Variants in GSTCD observed in about 807,000 individuals in gnomAD.
GSTCD encodes glutathione S-transferase C-terminal domain-containing protein.
In GSTCD, 44 loss-of-function variants were observed where a neutral mutation model predicts 68.3. The observed-to-expected ratio is 0.64, with a 90% CI of 0.51 to 0.83. GSTCD has a LOEUF of 0.83. Among genes scored for constraint, GSTCD ranks in the 40% least tolerant of loss-of-function variants. The pLI is 0.00. For synonymous variants in GSTCD, 273 were observed against 255.2 expected (o/e 1.07, Z -0.67); for missense variants, 739 against 735.9 (o/e 1.00, Z -0.05).
At chr4:105,757,734 G>A (rs545794494) in intron 5 of GSTCD, among the ~76,000 whole-genome samples, 1 of 152,066 alleles carries the variant, frequency 6.6e-6, no homozygotes, top group Non-Finnish European at 1.5e-5. Flanking sequence ...AATTGTAAAT[G>A]CTGCATTGTA....
intron 8 of GSTCD, among the ~76,000 whole-genome samples, chr4:105,833,291 C>A (rs1225677881): frequency 6.6e-6 from 1 of 152,004 alleles, no homozygotes; most frequent in Admixed American, 6.6e-5. Flanking sequence ...ATGGTGAAAC[C>A]CCATCTCTAC....
rs533776292 is a variant in GSTCD, at chr4:105,780,809, A to G, written c.1241-42145A>G. 9.8e-5 allele frequency among the ~76,000 whole-genome samples: 15 copies of G among 152,328 alleles called. No individual in the cohort carries two copies. The East Asian group carries it at 2.9e-3, about 29-fold the overall frequency. ...AAAGTATAGTATATACTATATCCCTATAATTTATTTCAGAAATTTTCATTT... is the reference window on the plus strand; with the variant it reads ...AAAGTATAGTATATACTATATCCCTGTAATTTATTTCAGAAATTTTCATTT... On this transcript the variant is annotated intron_variant, in intron 5 of 11. Coordinates refer to ENST00000515279, the MANE Select transcript of GSTCD (RefSeq NM_001370181.1).
chr4:105,788,089 G>A (rs754340738), intron 5 of GSTCD, among the ~76,000 whole-genome samples: 12 of 151,946 alleles, frequency 7.9e-5, no homozygotes, highest in Non-Finnish European at 1.5e-4. Context: ...CTTTGTATTA[G>A]TGATGATAGT....
rs528839449 is a variant in GSTCD, at chr4:105,735,898, C to T, written c.1240+6399C>T. Among the ~76,000 whole-genome samples, 17 of 151,930 alleles carry T rather than the reference C, an allele frequency of 1.1e-4. No individual in the cohort carries two copies. In the South Asian group the frequency reaches 3.1e-3, roughly 28 times the overall value. ...TTTAGGACTCATATTTTAAAAATAT[C>T]GATATCTTAAATAATCACAATGCCA... On this transcript the variant is annotated intron_variant, in intron 5 of 11. Coordinates refer to ENST00000515279, the MANE Select transcript of GSTCD (RefSeq NM_001370181.1).
intron 4 of GSTCD, among the ~76,000 whole-genome samples, chr4:105,728,582 AT>A (rs199752379): frequency 0.01 from 1,555 of 152,222 alleles, 32 homozygotes; most frequent in African/African-American, 0.035. Flanking sequence ...TCATAAACTG[AT>A]ACAAAGCATT....
intron 5 of GSTCD, among the ~76,000 whole-genome samples, chr4:105,770,084 C>T (rs1734783631): frequency 6.6e-6 from 1 of 152,176 alleles, no homozygotes; most frequent in Non-Finnish European, 1.5e-5. Flanking sequence ...TGCTTATACA[C>T]ATCATCTATA....
At chr4:105,726,215 G>A (rs1157588914) in intron 3 of GSTCD, among the ~76,000 whole-genome samples, 1 of 152,066 alleles carries the variant, frequency 6.6e-6, no homozygotes, top group Non-Finnish European at 1.5e-5. Flanking sequence ...CAAACGATTG[G>A]TCAATGTAAC....
intron 5 of GSTCD, among the ~76,000 whole-genome samples, chr4:105,730,151 A>G (rs1459122343): frequency 6.6e-6 from 1 of 152,226 alleles, no homozygotes; most frequent in African/African-American, 2.4e-5. Context: ...ATTGATGGAC[A>G]TTTGGGTTGG....
chr4:105,781,995 T>C (rs1735292551), intron 5 of GSTCD, among the ~76,000 whole-genome samples: 1 of 152,118 alleles, frequency 6.6e-6, no homozygotes, highest in African/African-American at 2.4e-5. Flanking sequence ...GTGAGATGCT[T>C]TGAAAGATAT....
intron 8 of GSTCD, among the ~76,000 whole-genome samples, chr4:105,827,833 A>G (rs1028939880): frequency 6.6e-6 from 1 of 152,094 alleles, no homozygotes; most frequent in African/African-American, 2.4e-5. Context: ...AAAAATTAAT[A>G]GTATAAACAA....
rs115230823 is a variant in GSTCD, at chr4:105,718,285, G to T, written c.426+246G>T. On this transcript the variant is annotated intron_variant, in intron 2 of 11. Coordinates refer to ENST00000515279, the MANE Select transcript of GSTCD (RefSeq NM_001370181.1). ...TGGTAGGAGGTGTTTGGGTCGTGGG[G>T]GCAGATGCCTCGTAAATGGCTTGGT... 3.5e-3 allele frequency among the ~76,000 whole-genome samples: 529 copies of T among 152,266 alleles called. 4 individuals carry two copies. Among genetic ancestry groups the T allele is most frequent in the African/African-American group, 0.012 (501 of 41,546 alleles).
At position 105,717,678 on chromosome 4, in the gene GSTCD, C is replaced by A; in HGVS notation, c.65C>A (p.Thr22Lys). 6.2e-7 allele frequency: 1 copy of A among 1,611,332 alleles called. No individual in the cohort carries two copies. Among genetic ancestry groups the A allele is most frequent in the Admixed American group, 1.7e-5 (1 of 59,622 alleles). Residue 22 changes from threonine (T) to lysine (K), a missense_variant, in exon 2 of 12, where the codon ACA becomes AAA. Transcript: ENST00000515279. Reference protein sequence around the residue: ...EYLYLDFSHQTEGCIFPLHTS... With the variant: ...EYLYLDFSHQKEGCIFPLHTS... ...CTGTACCTGGACTTTTCTCACCAAA[C>A]AGAAGGATGCATCTTTCCTCTTCAT...
At position 105,719,304 on chromosome 4, in the gene GSTCD, A is replaced by T; in HGVS notation, c.671A>T (p.Gln224Leu). 6.2e-7 allele frequency: 1 copy of T among 1,614,136 alleles called. No individual in the cohort carries two copies. Among genetic ancestry groups the T allele is most frequent in the South Asian group, 1.1e-5 (1 of 91,082 alleles). Residue 224 changes from glutamine to leucine, a missense_variant, in exon 3 of 12, where the codon CAG becomes CTG. Transcript: ENST00000515279. The part of the protein sequence containing the change: ...KGKAKSKVHT[Q>L]ETSEGLDSSS... ...AAGGCAAAGAGCAAGGTCCACACACAGGAAACATCTGAAGGGTTGGATTCT... is the reference window on the plus strand; with the variant it reads ...AAGGCAAAGAGCAAGGTCCACACACTGGAAACATCTGAAGGGTTGGATTCT...
In GSTCD at chr4:105,842,098, A is replaced by G. The variant is rs762636503; in HGVS notation, c.1729A>G (p.Thr577Ala). Reference sequence around the variant, plus strand: ...GATTCTGTGCAGATTTGCAGACCAGACAGCTGTCCAGCTCCCACCCCAACG... The same window carrying G: ...GATTCTGTGCAGATTTGCAGACCAGGCAGCTGTCCAGCTCCCACCCCAACG... ...HMILCRFADQ[T>A]AVQLPPQRRL... The change falls in exon 11 of 12, where the codon ACA (threonine) becomes GCA (alanine). Residue 577 changes from threonine (T) to alanine (A), a missense_variant. By Grantham distance (58) the Thr-to-Ala change is moderately conservative. Transcript: ENST00000515279. 5 of 1,613,928 alleles carry G rather than the reference A, an allele frequency of 3.1e-6. No homozygotes were observed. The highest frequency in any genetic ancestry group is 4.2e-6 in the Non-Finnish European group (5 of 1,179,952).
At chr4:105,785,038 A>G (rs566629726) in intron 5 of GSTCD, among the ~76,000 whole-genome samples, 10 of 152,210 alleles carry the variant, frequency 6.6e-5, no homozygotes, top group Non-Finnish European at 1.3e-4. Context: ...AGTGGACACA[A>G]CTAGGACATA....
intron 5 of GSTCD, among the ~76,000 whole-genome samples, chr4:105,765,735 A>G (rs900333927): frequency 6.6e-6 from 1 of 152,296 alleles, no homozygotes; most frequent in East Asian, 1.9e-4. Context: ...GGAGGTGATT[A>G]GATCATGGGG....
intron 5 of GSTCD, among the ~76,000 whole-genome samples, chr4:105,769,231 G>GCACACACA (rs1464584030): frequency 1.7e-5 from 1 of 60,118 alleles, no homozygotes; most frequent in African/African-American, 7.1e-5. Flanking sequence ...CTATACACGC[G>GCACACACA]CGCACACACA....
intron 5 of GSTCD, among the ~76,000 whole-genome samples, chr4:105,799,129 T>A (rs951374491): frequency 1.3e-5 from 2 of 152,196 alleles, no homozygotes; most frequent in Admixed American, 6.5e-5. Flanking sequence ...CAATTTTTCT[T>A]GTGTAGCTTC....
intron 5 of GSTCD, among the ~76,000 whole-genome samples, chr4:105,806,924 A>G (rs199932756): frequency 6.6e-6 from 1 of 152,048 alleles, no homozygotes; most frequent in East Asian, 1.9e-4. Context: ...AGTTATGCCA[A>G]TCAGATAGCA....
Sources: gnomAD v4.1 joint callset for allele counts (sites outside exome capture counted in the v4.1 genomes callset) on GRCh38, gnomAD v4.1.1 for gene constraint, MANE v1.5 for transcripts, NCBI Gene and HGNC (gene_info 2026-07-23, HGNC 2026-07-21) for gene names.